Variants in ASIC2 observed in about 807,000 individuals in gnomAD.
ASIC2 encodes acid-sensing ion channel 2.
A neutral mutation model predicts 57.3 loss-of-function variants in ASIC2; 25 were observed. The observed-to-expected ratio is 0.44, with a 90% CI of 0.32 to 0.61. The LOEUF (loss-of-function observed/expected upper bound fraction) is 0.61. ASIC2 is among the 20% of genes least tolerant of loss of function. ASIC2 has a pLI of 0.06. For synonymous variants in ASIC2, 319 were observed against 307.5 expected (o/e 1.04, Z -0.39); for missense variants, 641 against 738.1 (o/e 0.87, Z 1.52).
At chr17:33,878,450 T>C (rs377959) in intron 1 of ASIC2, among the ~76,000 whole-genome samples, 41,589 of 152,094 alleles carry the variant, frequency 0.27, 5,910 homozygotes, top group Middle Eastern at 0.36. Flanking sequence ...ACGAGAACTA[T>C]GTGACAAATG....
chr17:33,710,983 G>A (rs1332687060), intron 1 of ASIC2, among the ~76,000 whole-genome samples: 1 of 129,908 alleles, frequency 7.7e-6, no homozygotes, highest in Admixed American at 7.3e-5. Context: ...GTCTTGCTCT[G>A]TTATCCAGGC....
intron 1 of ASIC2, among the ~76,000 whole-genome samples, chr17:33,346,819 G>T (rs576432087): frequency 1.3e-5 from 2 of 152,304 alleles, no homozygotes; most frequent in Admixed American, 6.5e-5. Context: ...AAAGAAGGAA[G>T]AACTTACAAA....
chr17:33,614,596 C>T (rs1239426725), intron 1 of ASIC2, among the ~76,000 whole-genome samples: 1 of 152,168 alleles, frequency 6.6e-6, no homozygotes, highest in Non-Finnish European at 1.5e-5. Context: ...GAAAACTTAT[C>T]TGCTATATTT....
chr17:33,950,476 G>T (rs1045462695), intron 1 of ASIC2, among the ~76,000 whole-genome samples: 2 of 152,228 alleles, frequency 1.3e-5, no homozygotes, highest in East Asian at 3.8e-4. Flanking sequence ...CAATAGAGAA[G>T]TGAGTTATAA....
At chr17:34,040,287 C>T (rs977759158) in intron 1 of ASIC2, among the ~76,000 whole-genome samples, 1 of 149,914 alleles carries the variant, frequency 6.7e-6, no homozygotes, top group Non-Finnish European at 1.5e-5. Flanking sequence ...GTGCCCAGGA[C>T]CTGCCTCCGG....
intron 1 of ASIC2, among the ~76,000 whole-genome samples, chr17:33,200,624 GCT>G (rs2142077579): frequency 6.6e-6 from 1 of 152,228 alleles, no homozygotes; most frequent in African/African-American, 2.4e-5. Flanking sequence ...GATTCTGTTG[GCT>G]CTAGCCTCAA....
At chr17:33,771,910 A>G (rs1159392631) in intron 1 of ASIC2, among the ~76,000 whole-genome samples, 1 of 152,178 alleles carries the variant, frequency 6.6e-6, no homozygotes, top group Non-Finnish European at 1.5e-5. Flanking sequence ...TATACTATAT[A>G]CTAAATGTAG....
At chr17:33,197,433 C>A (rs1457447314) in intron 1 of ASIC2, among the ~76,000 whole-genome samples, 1 of 152,210 alleles carries the variant, frequency 6.6e-6, no homozygotes, top group African/African-American at 2.4e-5. Context: ...CCCTTCCTTA[C>A]AGGAAGCAAG....
chr17:33,514,255 T>C (rs541237959), intron 1 of ASIC2, among the ~76,000 whole-genome samples: 1 of 152,236 alleles, frequency 6.6e-6, no homozygotes, highest in South Asian at 2.1e-4. Flanking sequence ...GGCCCTGGAT[T>C]TCAAGGGACT....
chr17:33,337,778 G>A (rs58945457), intron 1 of ASIC2, among the ~76,000 whole-genome samples: 4,019 of 150,558 alleles, frequency 0.027, 103 homozygotes, highest in Middle Eastern at 0.073. Context: ...CTTCTGAGGT[G>A]TTCTGGAAGG....
chr17:33,492,586 AT>A (rs1411260979), intron 1 of ASIC2, among the ~76,000 whole-genome samples: 1 of 152,202 alleles, frequency 6.6e-6, no homozygotes, highest in Non-Finnish European at 1.5e-5. Flanking sequence ...TTGAGTGAAC[AT>A]ACCTTTCCTT....
chr17:33,796,179 G>A (rs1911914599), intron 1 of ASIC2, among the ~76,000 whole-genome samples: 1 of 152,326 alleles, frequency 6.6e-6, no homozygotes, highest in African/African-American at 2.4e-5. Flanking sequence ...GACCACCAAT[G>A]TGTTTAGTAC....
intron 1 of ASIC2, among the ~76,000 whole-genome samples, chr17:33,260,603 G>A (rs1451235198): frequency 1.3e-5 from 2 of 152,222 alleles, no homozygotes; most frequent in African/African-American, 2.4e-5. Flanking sequence ...AAGGCAGAAC[G>A]CTTTTTCTCG....
At chr17:33,753,933 A>T (rs1386439665) in intron 1 of ASIC2, among the ~76,000 whole-genome samples, 1 of 152,204 alleles carries the variant, frequency 6.6e-6, no homozygotes, top group Non-Finnish European at 1.5e-5. Context: ...TATCACACTA[A>T]TGCCTGTTGT....
chr17:34,020,806 G>A (rs1432216840), intron 1 of ASIC2, among the ~76,000 whole-genome samples: 1 of 152,178 alleles, frequency 6.6e-6, no homozygotes, highest in Non-Finnish European at 1.5e-5. Context: ...TCAGCATCCT[G>A]AAACCCTTAC....
intron 1 of ASIC2, among the ~76,000 whole-genome samples, chr17:33,429,381 GT>G (rs1013807702): frequency 6.6e-6 from 1 of 151,834 alleles, no homozygotes; most frequent in Non-Finnish European, 1.5e-5. Context: ...TTTTTGTTTT[GT>G]TTTGTTTTGT....
rs571255688 is a variant in ASIC2 at position 33,367,158 on chromosome 17, G to A, written c.556-255091C>T. ...GTTCCTTCCTGCTGGTGCTTCCAGT[G>A]GCATTTCCTTCAGGGAATTCTATTA... On this transcript the variant is annotated intron_variant, in intron 1 of 9. Coordinates refer to the ASIC2 transcript ENST00000359872. Among the ~76,000 whole-genome samples the A allele has an allele frequency of 2.0e-5, 3 of 152,308 alleles. No individual in the cohort carries two copies. The South Asian group carries it at 6.2e-4, about 32-fold the overall frequency.
chr17:33,329,201 C>T lies in ASIC2; in HGVS notation c.556-217134G>A, dbSNP rs576779723. ...TTGATTGTGTGATGGTGGTAAAATCCTTTACCTTCTTACAGTCTCAGCATT... is the reference window on the plus strand; with the variant it reads ...TTGATTGTGTGATGGTGGTAAAATCTTTTACCTTCTTACAGTCTCAGCATT... On this transcript the variant is annotated intron_variant, in intron 1 of 9. Coordinates refer to the ASIC2 transcript ENST00000359872. Among the ~76,000 whole-genome samples the T allele has an allele frequency of 8.6e-4, 131 of 152,258 alleles. 1 individual carries two copies. Among genetic ancestry groups the T allele is most frequent in the African/African-American group, 3.1e-3 (129 of 41,534 alleles).
chr17:33,046,732 G>T (rs1262660682), intron 3 of ASIC2, among the ~76,000 whole-genome samples: 1 of 152,184 alleles, frequency 6.6e-6, no homozygotes, highest in Non-Finnish European at 1.5e-5. Flanking sequence ...CCCCTGCATG[G>T]GTGGCAACAT....
Sources: gnomAD v4.1 joint callset for allele counts (sites outside exome capture counted in the v4.1 genomes callset) on GRCh38, gnomAD v4.1.1 for gene constraint, MANE v1.5 for transcripts, NCBI Gene and HGNC (gene_info 2026-07-23, HGNC 2026-07-21) for gene names.